The following KIDINS220 variants were observed in gnomAD, a reference collection of about 807,000 sequenced individuals.
KIDINS220 encodes the protein kinase D-interacting substrate of 220 kDa.
Under a neutral mutation model 157.6 loss-of-function variants are expected in KIDINS220, and 63 were observed. That is an observed-to-expected ratio of 0.40 (90% CI 0.33 to 0.49). KIDINS220 has a LOEUF of 0.49. KIDINS220 is among the 20% of genes least tolerant of loss of function. The pLI is 0.66. For synonymous variants in KIDINS220, 732 were observed against 783.6 expected, an observed-to-expected ratio of 0.93 and a Z score of 1.10; for missense variants, 1,772 against 2,171.2, an observed-to-expected ratio of 0.82 and a Z score of 3.65.
At chr2:8,736,610 T>G (rs1314580820) in intron 27 of KIDINS220, among the ~76,000 whole-genome samples, 2 of 152,252 alleles carry the variant, frequency 1.3e-5, no homozygotes, top group African/African-American at 4.8e-5. Context: ...ATCAAGGCAT[T>G]CTTTACTTGT....
At chr2:8,819,869 T>C (rs1677660688) in intron 2 of KIDINS220, among the ~76,000 whole-genome samples, 1 of 151,842 alleles carries the variant, frequency 6.6e-6, no homozygotes, top group Non-Finnish European at 1.5e-5. Context: ...AAGTACCAGG[T>C]TAAAGAGTGA....
rs746635357 is a variant in KIDINS220 at position 8,731,415 on chromosome 2, T to C, written c.4621A>G (p.Lys1541Glu). 6.2e-7 allele frequency: 1 copy of C among 1,614,234 alleles called. No individual in the cohort carries two copies. The change falls in exon 30 of 30, where the codon AAA becomes GAA. Residue 1541 changes from lysine (K) to glutamate (E), a missense_variant. Physicochemically the swap from Lys to Glu is moderately conservative, Grantham distance 56 (BLOSUM62 1). This residue lies in a region of KIDINS220 where 793 missense variants were observed against 885.5 expected (regional missense o/e 0.90). Coordinates refer to ENST00000256707, the MANE Select transcript of KIDINS220 (RefSeq NM_020738.4). This position sits in a 1 kb window ranked among gnomAD's most constrained non-coding sequence, Gnocchi z 5.2. ...SDNTPLLKDD[K>E]DRKAEGKVER... Reference sequence around the variant, plus strand: ...ACTTTCCCTTCGGCTTTTCTGTCTTTGTCATCTTTGAGCAGTGGAGTGTTA... The same window carrying C: ...ACTTTCCCTTCGGCTTTTCTGTCTTCGTCATCTTTGAGCAGTGGAGTGTTA...
chr2:8,769,308 T>C (rs1669875962), intron 22 of KIDINS220, among the ~76,000 whole-genome samples: 1 of 152,210 alleles, frequency 6.6e-6, no homozygotes, highest in Non-Finnish European at 1.5e-5. Flanking sequence ...TCTTGAAATC[T>C]AGAAATACAT....
intron 11 of KIDINS220, among the ~76,000 whole-genome samples, chr2:8,794,762 G>A (rs1435837439): frequency 6.6e-6 from 1 of 152,160 alleles, no homozygotes; most frequent in Non-Finnish European, 1.5e-5. Flanking sequence ...CAAACACCTT[G>A]ACAAATTAAA....
chr2:8,733,839 C>T (rs1664487728), intron 28 of KIDINS220, among the ~76,000 whole-genome samples, 159 bp from the exon 29 acceptor site: 1 of 152,164 alleles, frequency 6.6e-6, no homozygotes, highest in Non-Finnish European at 1.5e-5. Flanking sequence ...TATACATCAG[C>T]TTATCTTTCA....
At chr2:8,820,727 T>G (rs899535742) in intron 2 of KIDINS220, among the ~76,000 whole-genome samples, 2 of 152,200 alleles carry the variant, frequency 1.3e-5, no homozygotes, top group African/African-American at 4.8e-5. Flanking sequence ...ATAACTTTTA[T>G]GATAATCATC....
At chr2:8,748,345 CT>C (rs959236409) in intron 24 of KIDINS220, among the ~76,000 whole-genome samples, 8 of 152,076 alleles carry the variant, frequency 5.3e-5, no homozygotes, top group African/African-American at 1.9e-4. Context: ...AACTCATAAT[CT>C]TTTTAAAAGA....
chr2:8,795,625 A>T (rs763609594), intron 11 of KIDINS220, among the ~76,000 whole-genome samples: 5 of 152,246 alleles, frequency 3.3e-5, no homozygotes, highest in Non-Finnish European at 7.3e-5. Context: ...TGCAACTATC[A>T]TGTGTATTTG....
chr2:8,722,312 T>TA (rs1339808925), downstream of KIDINS220: 2 of 152,232 alleles, frequency 1.3e-5, no homozygotes, highest in African/African-American at 4.8e-5. Context: ...TCAGCAGAGT[T>TA]AGACTGCAGA....
Position 8,731,034 on chromosome 2 carries a change from G to A in KIDINS220, c.5002C>T (p.Pro1668Ser), listed in dbSNP as rs371994059. 5 of 1,614,210 alleles carry A rather than the reference G, an allele frequency of 3.1e-6. No individual in the cohort carries two copies. In the South Asian group the frequency reaches 5.5e-5, roughly 18 times the overall value. ...LIASSPEENWPACQKAYNLNR... is the reference protein window; with the variant it reads ...LIASSPEENWSACQKAYNLNR... ...AGGTTGTAGGCTTTCTGGCATGCAG[G>A]CCAGTTTTCTTCAGGGCTGCTGGCT... The change falls in exon 30 of 30, where the codon CCT becomes TCT. Residue 1668 changes from proline to serine, a missense_variant. Coordinates refer to ENST00000256707, the MANE Select transcript of KIDINS220 (RefSeq NM_020738.4). The surrounding 1 kb of genome is among the most constrained non-coding windows in gnomAD (Gnocchi z 5.2).
chr2:8,740,735 G>A (rs1442266992), intron 26 of KIDINS220, among the ~76,000 whole-genome samples: 1 of 152,174 alleles, frequency 6.6e-6, no homozygotes, highest in Non-Finnish European at 1.5e-5. Context: ...TCTAGCTCGA[G>A]AAACAGACAA....
At position 8,806,338 on chromosome 2, in the gene KIDINS220, C is replaced by A; in HGVS notation, c.536G>T (p.Arg179Leu). The change falls in exon 7 of 30, where the codon CGA becomes CTA. Residue 179 changes from arginine (R) to leucine (L), a missense_variant. Around this residue, in one of 3 missense-constraint regions of KIDINS220, gnomAD observed 254 missense variants for 268.6 expected, o/e 0.95. Coordinates refer to ENST00000256707, the MANE Select transcript of KIDINS220 (RefSeq NM_020738.4). ...YGTTPLVWAARKGHLECVKHL... is the reference protein window; with the variant it reads ...YGTTPLVWAALKGHLECVKHL... The stretch of plus-strand genomic sequence containing the variant: ...TTTCACACATTCCAAATGACCCTTT[C>A]GTGCAGCCCAAACTAAAGGGGTGGT... The A allele has an allele frequency of 1.9e-6, 3 of 1,609,954 alleles. No homozygotes were observed. The highest frequency in any genetic ancestry group is 2.5e-6 in the Non-Finnish European group (3 of 1,177,756).
intron 1 of KIDINS220, among the ~76,000 whole-genome samples, chr2:8,831,371 G>A (rs1414774901): frequency 1.4e-5 from 2 of 142,630 alleles, no homozygotes; most frequent in African/African-American, 5.3e-5. Flanking sequence ...CAGCCAGACT[G>A]ATCTACTTGC....
chr2:8,728,778 A>G (rs756738453), downstream of KIDINS220: 21 of 822,284 alleles, frequency 2.6e-5, no homozygotes, highest in Non-Finnish European at 2.9e-5. Flanking sequence ...AGTTGGGAGC[A>G]GTTCAGAACA....
chr2:8,733,897 A>G (rs1234927153), intron 28 of KIDINS220, among the ~76,000 whole-genome samples: 1 of 152,192 alleles, frequency 6.6e-6, no homozygotes, highest in Non-Finnish European at 1.5e-5. Flanking sequence ...CCATACATAT[A>G]CTACACTGCA....
At chr2:8,735,192 T>C (rs1664691258) in intron 27 of KIDINS220, among the ~76,000 whole-genome samples, 1 of 152,216 alleles carries the variant, frequency 6.6e-6, no homozygotes, top group Non-Finnish European at 1.5e-5. Flanking sequence ...ATCCGTTATA[T>C]TAGATACAGA....
At chr2:8,828,279 C>T (rs1371273998) in intron 1 of KIDINS220, among the ~76,000 whole-genome samples, 4 of 152,218 alleles carry the variant, frequency 2.6e-5, no homozygotes, top group Non-Finnish European at 5.9e-5. Context: ...GGCTTACCCC[C>T]TGACCCCGTC....
intron 1 of KIDINS220, among the ~76,000 whole-genome samples, chr2:8,830,477 A>C (rs999533277): frequency 2.0e-5 from 3 of 152,196 alleles, no homozygotes; most frequent in African/African-American, 7.2e-5. Context: ...GGAGTGCAGT[A>C]GCACGATCAT....
At chr2:8,751,866 A>G (rs1488979127) in intron 22 of KIDINS220, among the ~76,000 whole-genome samples, 1 of 151,876 alleles carries the variant, frequency 6.6e-6, no homozygotes, top group Non-Finnish European at 1.5e-5. Flanking sequence ...TACCATGCCC[A>G]GCTAATTTTT....
Sources: allele counts gnomAD v4.1 joint callset (sites outside exome capture counted in the v4.1 genomes callset), GRCh38; gene constraint gnomAD v4.1.1; regional missense constraint gnomAD v4.1.1; non-coding constraint Gnocchi (gnomAD v3.1); transcripts MANE v1.5; gene names NCBI Gene and HGNC (gene_info 2026-07-23, HGNC 2026-07-21).